The following NELL1 variants were observed in gnomAD, a reference collection of about 807,000 sequenced individuals.
NELL1 encodes the protein protein kinase C-binding protein NELL1.
NELL1 carries 76 observed loss-of-function variants against 107.4 expected under a neutral mutation model. That is an observed-to-expected ratio of 0.71 (90% CI 0.59 to 0.86). The LOEUF (loss-of-function observed/expected upper bound fraction) is 0.86. Among genes scored for constraint, NELL1 ranks in the 40% least tolerant of loss-of-function variants. The pLI, the probability that NELL1 is intolerant of heterozygous loss-of-function variation, is 0.00. For synonymous variants in NELL1, 353 were observed against 341.2 expected (o/e 1.03, Z -0.38); for missense variants, 1,024 against 1,005.5 (o/e 1.02, Z -0.25).
chr11:21,559,213 A>G (rs1230238927), intron 16 of NELL1, among the ~76,000 whole-genome samples: 2 of 152,174 alleles, frequency 1.3e-5, no homozygotes, highest in Non-Finnish European at 2.9e-5. Flanking sequence ...AAAACCAAGT[A>G]GACTAGTAGA....
chr11:21,245,533 GT>G (rs1462577251), intron 14 of NELL1, among the ~76,000 whole-genome samples: 1 of 152,134 alleles, frequency 6.6e-6, no homozygotes, highest in Non-Finnish European at 1.5e-5. Flanking sequence ...CCTTAAGGCA[GT>G]TTGTTTTCAC....
rs1006073322 is a variant in NELL1, at chr11:20,669,695, C to G, written c.-29C>G. ...ATTTGCTTCCACCTAGCTTCGGTGC[C>G]CCCTGCTAGGCGGGGACCCTCGAGA... On this transcript the variant is annotated 5_prime_UTR_variant, in exon 1 of 20. Coordinates refer to ENST00000357134, the MANE Select transcript of NELL1 (RefSeq NM_006157.5). This position sits in a 1 kb window ranked among gnomAD's most constrained non-coding sequence, Gnocchi z 4.4. The G allele has an allele frequency of 4.4e-6, 7 of 1,606,774 alleles. No individual in the cohort carries two copies. The highest frequency in any genetic ancestry group is 1.7e-4 in the Middle Eastern group (1 of 6,050).
chr11:21,083,721 C>T (rs1411931145), intron 12 of NELL1, among the ~76,000 whole-genome samples: 2 of 152,262 alleles, frequency 1.3e-5, no homozygotes, highest in African/African-American at 2.4e-5. Context: ...ACTACAGAGA[C>T]ATTCTGAGAG....
At chr11:20,746,934 A>G (rs535962788) in intron 2 of NELL1, among the ~76,000 whole-genome samples, 2 of 152,270 alleles carry the variant, frequency 1.3e-5, no homozygotes, top group South Asian at 4.1e-4. Context: ...ACACTATTCC[A>G]GGCTGATAAA....
At chr11:21,242,259 T>A (rs1858382351) in intron 14 of NELL1, among the ~76,000 whole-genome samples, 1 of 152,138 alleles carries the variant, frequency 6.6e-6, no homozygotes. Flanking sequence ...TCACAGTGAT[T>A]CAGGAATACA....
intron 2 of NELL1, among the ~76,000 whole-genome samples, chr11:20,756,987 A>G (rs2133952829): frequency 6.6e-6 from 1 of 152,236 alleles, no homozygotes; most frequent in Middle Eastern, 3.4e-3. Context: ...GACTGTTCAG[A>G]CTGGAAGAGA....
chr11:20,878,100 C>A (rs539519833), intron 4 of NELL1, among the ~76,000 whole-genome samples: 4 of 152,210 alleles, frequency 2.6e-5, no homozygotes, highest in African/African-American at 9.6e-5. Flanking sequence ...GTGGCTCACA[C>A]CTGTAATCCC....
chr11:20,775,920 G>A (rs1363742351), intron 2 of NELL1, among the ~76,000 whole-genome samples: 1 of 152,122 alleles, frequency 6.6e-6, no homozygotes, highest in Non-Finnish European at 1.5e-5. Flanking sequence ...TATTCCTTAG[G>A]CAGCTCATTA....
intron 5 of NELL1, among the ~76,000 whole-genome samples, chr11:20,894,244 A>G (rs1849678771): frequency 6.6e-6 from 1 of 152,268 alleles, no homozygotes; most frequent in African/African-American, 2.4e-5. Flanking sequence ...ATAAGATGTA[A>G]GAAATAATAA....
At chr11:21,126,848 A>G (rs1206220887) in intron 13 of NELL1, among the ~76,000 whole-genome samples, 4 of 152,208 alleles carry the variant, frequency 2.6e-5, no homozygotes, top group Non-Finnish European at 5.9e-5. Context: ...TGTAGTGTAA[A>G]GTGGACTTCA....
intron 13 of NELL1, among the ~76,000 whole-genome samples, chr11:21,202,165 C>G (rs1314261266): frequency 6.6e-6 from 1 of 152,178 alleles, no homozygotes; most frequent in East Asian, 1.9e-4. Context: ...AGGATTCCCT[C>G]TTTTTCTGTT....
intron 15 of NELL1, among the ~76,000 whole-genome samples, chr11:21,514,227 A>T (rs2133947761): frequency 6.6e-6 from 1 of 152,344 alleles, no homozygotes; most frequent in African/African-American, 2.4e-5. Context: ...ACAAATAACA[A>T]TTTAACATTG....
At chr11:20,697,106 C>G (rs756865046) in intron 2 of NELL1, among the ~76,000 whole-genome samples, 16 of 152,104 alleles carry the variant, frequency 1.1e-4, no homozygotes, top group Non-Finnish European at 2.1e-4. Flanking sequence ...CCAAATTTAG[C>G]AACAAATTAG....
At chr11:20,732,140 G>C (rs67217688) in intron 2 of NELL1, among the ~76,000 whole-genome samples, 18,213 of 151,842 alleles carry the variant, frequency 0.12, 1,204 homozygotes, top group Non-Finnish European at 0.15. Context: ...CCTTTCCCTC[G>C]GTGGAAGGAG....
chr11:20,762,507 T>A (rs777445693), intron 2 of NELL1, among the ~76,000 whole-genome samples: 25 of 152,234 alleles, frequency 1.6e-4, no homozygotes, highest in Non-Finnish European at 3.4e-4. Flanking sequence ...AGTTATTATT[T>A]TGACATTTTT....
chr11:21,492,031 C>T (rs1348703697), intron 15 of NELL1, among the ~76,000 whole-genome samples: 3 of 151,988 alleles, frequency 2.0e-5, no homozygotes, highest in Non-Finnish European at 4.4e-5. Context: ...CTACAATGAA[C>T]TCAAACTAAT....
intron 15 of NELL1, among the ~76,000 whole-genome samples, chr11:21,392,725 G>T (rs558165270): frequency 1.8e-4 from 27 of 151,726 alleles, no homozygotes; most frequent in African/African-American, 6.3e-4. Context: ...GATATAAAAT[G>T]TCATCCACTT....
intron 16 of NELL1, among the ~76,000 whole-genome samples, chr11:21,541,404 C>T (rs183806258): frequency 8.6e-4 from 131 of 152,184 alleles, no homozygotes; most frequent in African/African-American, 2.7e-3. Flanking sequence ...AAAAATGTTC[C>T]GCTGAAATCC....
At chr11:20,977,680 C>A (rs541842124) in intron 12 of NELL1, among the ~76,000 whole-genome samples, 35 of 152,318 alleles carry the variant, frequency 2.3e-4, no homozygotes, top group Non-Finnish European at 3.1e-4. Flanking sequence ...GCATGGAGAG[C>A]AGGCTCCAAG....
Sources: gnomAD v4.1 joint callset for allele counts (sites outside exome capture counted in the v4.1 genomes callset) on GRCh38, gnomAD v4.1.1 for gene constraint, Gnocchi (gnomAD v3.1) non-coding constraint, MANE v1.5 for transcripts, NCBI Gene and HGNC (gene_info 2026-07-23, HGNC 2026-07-21) for gene names.